Variants in OSBPL3 observed in about 807,000 individuals in gnomAD.
OSBPL3 encodes oxysterol-binding protein-related protein 3.
Under a neutral mutation model 120.1 loss-of-function variants are expected in OSBPL3, and 65 were observed. The observed-to-expected ratio is 0.54, with a 90% CI of 0.44 to 0.67. The LOEUF (loss-of-function observed/expected upper bound fraction) is 0.67, where lower values mean the gene tolerates loss of function less well. Ranked by LOEUF, OSBPL3 falls within the 30% of genes least tolerant of loss-of-function variation. The pLI is 0.00. For missense variants in OSBPL3, 1,004 were observed against 1,082.1 expected, an observed-to-expected ratio of 0.93 and a Z score of 1.01; for synonymous variants, 416 against 402.6, an observed-to-expected ratio of 1.03 and a Z score of -0.40.
chr7:24,963,685 C>G (rs1238480126), intron 1 of OSBPL3, among the ~76,000 whole-genome samples: 1 of 152,194 alleles, frequency 6.6e-6, no homozygotes, highest in Non-Finnish European at 1.5e-5. Context: ...CTGGGCCTAG[C>G]CTGGGATTTG....
intron 19 of OSBPL3, among the ~76,000 whole-genome samples, chr7:24,814,038 G>A (rs899298020): frequency 8.5e-5 from 13 of 152,104 alleles, no homozygotes; most frequent in Non-Finnish European, 1.6e-4. Context: ...AGGAGGGTAT[G>A]GAGAGCAGAA....
At chr7:24,929,866 C>T (rs575025686) in intron 1 of OSBPL3, among the ~76,000 whole-genome samples, 2 of 152,272 alleles carry the variant, frequency 1.3e-5, no homozygotes, top group African/African-American at 4.8e-5. Flanking sequence ...AATCAATTGG[C>T]AAATCTTTGG....
chr7:24,869,777 T>C (rs1390081518), intron 5 of OSBPL3, among the ~76,000 whole-genome samples: 1 of 152,178 alleles, frequency 6.6e-6, no homozygotes, highest in African/African-American at 2.4e-5. Flanking sequence ...AAACCACAGG[T>C]ATGTGGCCCA....
At chr7:24,974,580 T>A (rs983788247) in intron 1 of OSBPL3, among the ~76,000 whole-genome samples, 1 of 152,182 alleles carries the variant, frequency 6.6e-6, no homozygotes, top group Non-Finnish European at 1.5e-5. Context: ...AGAATCAAAC[T>A]TTTTTAGAAA....
At position 24,899,188 on chromosome 7, in the gene OSBPL3, C is replaced by T. The variant is rs973732868; in HGVS notation, c.-149-6567G>A. Among the ~76,000 whole-genome samples, 1 of 152,184 alleles carries T rather than the reference C, an allele frequency of 6.6e-6. No individual in the cohort carries two copies. The highest frequency in any genetic ancestry group is 2.1e-4 in the South Asian group (1 of 4,820). The stretch of plus-strand genomic sequence containing the variant: ...AACTTTGATCACCCTTCAATTTGTG[C>T]TTCTCTAACAGTGATGCCCAGATTT... On this transcript the variant is annotated intron_variant, in intron 1 of 22. Coordinates refer to ENST00000313367, the MANE Select transcript of OSBPL3 (RefSeq NM_015550.4). This position sits in a 1 kb window ranked among gnomAD's most constrained non-coding sequence, Gnocchi z 4.0.
chr7:24,972,855 A>T lies in OSBPL3; in HGVS notation c.-150+7031T>A, dbSNP rs532439615. On this transcript the variant is annotated intron_variant, in intron 1 of 22. Transcript: ENST00000313367. This position sits in a 1 kb window ranked among gnomAD's most constrained non-coding sequence, Gnocchi z 4.3. ...GAAATATTTGTTTTATAAGATGTAA[A>T]CTATAATTTTAAAGTTCTTGTAACT... Among the ~76,000 whole-genome samples the T allele has an allele frequency of 6.6e-6, 1 of 152,194 alleles. No individual in the cohort carries two copies.
Position 24,862,574 on chromosome 7 carries a change from G to C in OSBPL3, c.870+626C>G, listed in dbSNP as rs1800719841. ...CCAAAGAGTGTACACAAGTGTATCA[G>C]GTGACCTAACCAAAAGCTTGAGATT... is the stretch of plus-strand genomic sequence containing the variant. On this transcript the variant is annotated intron_variant, in intron 9 of 22. Transcript: ENST00000313367. This position sits in a 1 kb window ranked among gnomAD's most constrained non-coding sequence, Gnocchi z 4.4. Among the ~76,000 whole-genome samples, 1 of 152,130 alleles carries C rather than the reference G, an allele frequency of 6.6e-6. No homozygotes were observed. The highest frequency in any genetic ancestry group is 2.1e-4 in the South Asian group (1 of 4,826).
Position 24,965,252 on chromosome 7 carries a change from G to A in OSBPL3, c.-150+14634C>T, listed in dbSNP as rs1249480652. On this transcript the variant is annotated intron_variant, in intron 1 of 22. Coordinates refer to ENST00000313367, the MANE Select transcript of OSBPL3 (RefSeq NM_015550.4). The surrounding 1 kb of genome is among the most constrained non-coding windows in gnomAD (Gnocchi z 4.3). ...CCAAGGAAAAAAGACAATGTAGAAGGAGCAATAAATCTACAGTAAGAAAAT... is the reference window on the plus strand; with the variant it reads ...CCAAGGAAAAAAGACAATGTAGAAGAAGCAATAAATCTACAGTAAGAAAAT... Among the ~76,000 whole-genome samples, 2 of 152,104 alleles carry A rather than the reference G, an allele frequency of 1.3e-5. No homozygotes were observed. The highest frequency in any genetic ancestry group is 2.9e-5 in the Non-Finnish European group (2 of 68,010).
Position 24,966,048 on chromosome 7 carries a change from C to T in OSBPL3, c.-150+13838G>A, listed in dbSNP as rs78794872. On this transcript the variant is annotated intron_variant, in intron 1 of 22. Transcript: ENST00000313367. This position sits in a 1 kb window ranked among gnomAD's most constrained non-coding sequence, Gnocchi z 4.8. Reference sequence around the variant, plus strand: ...ACACCTGGCTAAGTCTCACACAAGTCATCTGAGAGAGAGGAGAAACAGTAC... The same window carrying T: ...ACACCTGGCTAAGTCTCACACAAGTTATCTGAGAGAGAGGAGAAACAGTAC... 0.032 allele frequency among the ~76,000 whole-genome samples: 4,829 copies of T among 152,264 alleles called. 131 individuals carry two copies. The highest frequency in any genetic ancestry group is 0.051 in the Non-Finnish European group (3,483 of 68,020).
rs932086861 is a variant in OSBPL3 at position 24,817,894 on chromosome 7, G to A, written c.1949-1206C>T. Among the ~76,000 whole-genome samples, 1 of 152,166 alleles carries A rather than the reference G, an allele frequency of 6.6e-6. No individual in the cohort carries two copies. Among genetic ancestry groups the A allele is most frequent in the Non-Finnish European group, 1.5e-5 (1 of 68,032 alleles). The stretch of plus-strand genomic sequence containing the variant: ...ATTTCTCTAACTTGCAATGAATGGT[G>A]GTACCAACAGAGAAGCCAGGAAATA... On this transcript the variant is annotated intron_variant, in intron 17 of 22. Transcript: ENST00000313367. The surrounding 1 kb of genome is among the most constrained non-coding windows in gnomAD (Gnocchi z 4.0).
intron 1 of OSBPL3, among the ~76,000 whole-genome samples, chr7:24,944,624 C>CAAA (rs34339147): frequency 9.2e-4 from 122 of 131,942 alleles, no homozygotes; most frequent in Non-Finnish European, 1.2e-3. Context: ...AGCGAGACTC[C>CAAA]AAAAAAAAAA....
chr7:24,842,747 C>A (rs574679014), intron 12 of OSBPL3, among the ~76,000 whole-genome samples: 1 of 152,238 alleles, frequency 6.6e-6, no homozygotes, highest in Non-Finnish European at 1.5e-5. Context: ...GCTACCACTG[C>A]TGGATGTTTC....
At chr7:24,969,004 G>A (rs1816706377) in intron 1 of OSBPL3, among the ~76,000 whole-genome samples, 1 of 152,148 alleles carries the variant, frequency 6.6e-6, no homozygotes, top group Non-Finnish European at 1.5e-5. Context: ...ATATCTGTAG[G>A]ATAAAGTTCT....
rs1805796766 is a variant in OSBPL3 at position 24,894,239 on chromosome 7, G to A, written c.-149-1618C>T. 6.6e-6 allele frequency among the ~76,000 whole-genome samples: 1 copy of A among 151,998 alleles called. No homozygotes were observed. The highest frequency in any genetic ancestry group is 2.4e-5 in the African/African-American group (1 of 41,358). Reference sequence around the variant, plus strand: ...CAAAATCTCAGAAAATGAAATTAAGGTGCCCAGAGCCATAGAGCTCAATTC... The same window carrying A: ...CAAAATCTCAGAAAATGAAATTAAGATGCCCAGAGCCATAGAGCTCAATTC... On this transcript the variant is annotated intron_variant, in intron 1 of 22. Transcript: ENST00000313367. This position sits in a 1 kb window ranked among gnomAD's most constrained non-coding sequence, Gnocchi z 4.1.
At chr7:24,847,296 C>G (rs1176637354) in intron 12 of OSBPL3, among the ~76,000 whole-genome samples, 4 of 152,092 alleles carry the variant, frequency 2.6e-5, no homozygotes, top group African/African-American at 9.7e-5. Context: ...AATAACTTTA[C>G]CTTTGCTGGG....
At chr7:24,801,117 C>T (rs542865474) in intron 22 of OSBPL3, among the ~76,000 whole-genome samples, 3 of 150,824 alleles carry the variant, frequency 2.0e-5, no homozygotes, top group South Asian at 2.1e-4. Context: ...GGCGGGCACC[C>T]GTAATCCCAG....
chr7:24,894,831 C>T lies in OSBPL3; in HGVS notation c.-149-2210G>A, dbSNP rs1805895209. ...CACCACAACCCTGTCCTAGAGGCAGCTGATACAGGGTCATCTTTATCTCTT... is the reference window on the plus strand; with the variant it reads ...CACCACAACCCTGTCCTAGAGGCAGTTGATACAGGGTCATCTTTATCTCTT... On this transcript the variant is annotated intron_variant, in intron 1 of 22. Transcript: ENST00000313367. This position sits in a 1 kb window ranked among gnomAD's most constrained non-coding sequence, Gnocchi z 4.1. Among the ~76,000 whole-genome samples, 1 of 152,220 alleles carries T rather than the reference C, an allele frequency of 6.6e-6. No individual in the cohort carries two copies. The highest frequency in any genetic ancestry group is 6.5e-5 in the Admixed American group (1 of 15,286).
At chr7:24,816,420 T>C (rs75463345) in intron 18 of OSBPL3, among the ~76,000 whole-genome samples, 190 bp downstream of exon 18, 288 of 152,210 alleles carry the variant, frequency 1.9e-3, no homozygotes, top group African/African-American at 6.5e-3. Flanking sequence ...GCATTTCCAT[T>C]TGAGGGAGAA....
Position 24,883,162 on chromosome 7 carries a change from A to G in OSBPL3, c.96+9215T>C, listed in dbSNP as rs1181074722. On this transcript the variant is annotated intron_variant, in intron 2 of 22. Transcript: ENST00000313367. The surrounding 1 kb of genome is among the most constrained non-coding windows in gnomAD (Gnocchi z 5.4). ...GGGGCCAAGATGTGCCAGGAATGTGATTCATCTGAAGTAGGAACAGAGAGG... is the reference window on the plus strand; with the variant it reads ...GGGGCCAAGATGTGCCAGGAATGTGGTTCATCTGAAGTAGGAACAGAGAGG... Among the ~76,000 whole-genome samples, 1 of 152,186 alleles carries G rather than the reference A, an allele frequency of 6.6e-6. No individual in the cohort carries two copies. Among genetic ancestry groups the G allele is most frequent in the East Asian group, 1.9e-4 (1 of 5,204 alleles).
Sources: allele counts gnomAD v4.1 joint callset (sites outside exome capture counted in the v4.1 genomes callset), GRCh38; gene constraint gnomAD v4.1.1; non-coding constraint Gnocchi (gnomAD v3.1); transcripts MANE v1.5; gene names NCBI Gene and HGNC (gene_info 2026-07-23, HGNC 2026-07-21).